FRMD3: variants seen among roughly 807,000 people sequenced by gnomAD.
FRMD3 encodes FERM domain-containing protein 3.
FRMD3 carries 33 observed loss-of-function variants against 70.2 expected under a neutral mutation model. The ratio of observed to expected loss-of-function variants is 0.47; its 90% CI spans 0.36 to 0.63. The LOEUF (loss-of-function observed/expected upper bound fraction) is 0.63, where lower values mean the gene tolerates loss of function less well. Among genes scored for constraint, FRMD3 ranks in the 20% least tolerant of loss-of-function variants. FRMD3 has a pLI of 0.00. For missense variants in FRMD3, 632 were observed against 711.4 expected (o/e 0.89, Z 1.27); for synonymous variants, 279 against 255.9 (o/e 1.09, Z -0.86).
the FRMD3 span, among the ~76,000 whole-genome samples, chr9:83,571,168 A>G: frequency 6.6e-6 from 1 of 152,252 alleles, no homozygotes. Context: ...AAAGGTTCTT[A>G]AAAAGAGTCT....
intron 1 of FRMD3, among the ~76,000 whole-genome samples, chr9:83,505,975 G>A (rs1829172706): frequency 6.6e-6 from 1 of 152,136 alleles, no homozygotes; most frequent in Non-Finnish European, 1.5e-5. Context: ...GGAAGATGGA[G>A]TCCCCCAACA....
At position 83,479,759 on chromosome 9, in the gene FRMD3, AAGGGAGGGAGGGAGGGAGGG is replaced by A. The variant is rs369358306; in HGVS notation, c.147+58306_147+58325del. On this transcript the variant is annotated intron_variant, in intron 1 of 13. Coordinates refer to ENST00000304195, the MANE Select transcript of FRMD3 (RefSeq NM_174938.6). Reference sequence around the variant, plus strand: ...AGAAAGAAAAAGAAAAGAGAAGAAGAAGGGAGGGAGGGAGGGAGGGAGGGAGGGAAGGAAGGAAGGAAGGA... The same window carrying A: ...AGAAAGAAAAAGAAAAGAGAAGAAGAAGGGAGGGAAGGAAGGAAGGAAGGA... Among the ~76,000 whole-genome samples, 168 of 91,938 alleles carry A rather than the reference AAGGGAGGGAGGGAGGGAGGG, an allele frequency of 1.8e-3. 9 individuals are homozygous for A. The highest frequency in any genetic ancestry group is 7.1e-3 in the African/African-American group (161 of 22,654). The allele number at this position is 91,938 out of a possible 152,430, so 60.3% of individuals were successfully genotyped here. A position where few individuals can be genotyped will look rare whatever the true frequency, so the allele number is the denominator to read the frequency against.
At chr9:83,390,148 A>G (rs1825627090) in intron 1 of FRMD3, among the ~76,000 whole-genome samples, 1 of 152,204 alleles carries the variant, frequency 6.6e-6, no homozygotes, top group Admixed American at 6.5e-5. Flanking sequence ...TCCTACCAGG[A>G]AGGTTCTCAT....
At chr9:83,548,574 A>G in the FRMD3 span, among the ~76,000 whole-genome samples, 1 of 152,188 alleles carries the variant, frequency 6.6e-6, no homozygotes, top group East Asian at 1.9e-4. Flanking sequence ...TGAGTTCAGG[A>G]GAGTGGGTGA....
At chr9:83,524,356 G>C (rs936812854) in intron 1 of FRMD3, among the ~76,000 whole-genome samples, 2 of 152,144 alleles carry the variant, frequency 1.3e-5, no homozygotes, top group African/African-American at 2.4e-5. Flanking sequence ...ACTTATGTTA[G>C]ATGACAAAAT....
intron 1 of FRMD3, among the ~76,000 whole-genome samples, chr9:83,466,931 A>G (rs1828143046): frequency 6.6e-6 from 1 of 152,208 alleles, no homozygotes; most frequent in African/African-American, 2.4e-5. Context: ...TTCTGCCGAA[A>G]TAAACAAGAG....
chr9:83,479,416 G>T (rs1420252961), intron 1 of FRMD3, among the ~76,000 whole-genome samples: 1 of 103,430 alleles, frequency 9.7e-6, no homozygotes, highest in Non-Finnish European at 2.1e-5. Flanking sequence ...GGGAGGGAAG[G>T]ATGAAAGGAG....
intron 2 of FRMD3, among the ~76,000 whole-genome samples, chr9:83,383,286 G>A (rs1444947782): frequency 6.6e-6 from 1 of 151,754 alleles, no homozygotes; most frequent in Non-Finnish European, 1.5e-5. Context: ...ACAAAATGCT[G>A]TGATATAATA....
intron 1 of FRMD3, among the ~76,000 whole-genome samples, chr9:83,509,439 G>A (rs1829285663): frequency 1.3e-5 from 2 of 152,170 alleles, no homozygotes; most frequent in South Asian, 4.1e-4. Flanking sequence ...TAGCAAAAAG[G>A]GGAGGAAAGA....
intron 12 of FRMD3, among the ~76,000 whole-genome samples, chr9:83,296,943 A>G (rs1193004568): frequency 6.6e-6 from 1 of 152,182 alleles, no homozygotes; most frequent in Admixed American, 6.5e-5. Context: ...GCATCACTCC[A>G]GGCTTCTTGA....
chr9:83,547,445 T>C, the FRMD3 span, among the ~76,000 whole-genome samples: 1 of 151,752 alleles, frequency 6.6e-6, no homozygotes, highest in Non-Finnish European at 1.5e-5. Flanking sequence ...TGTTTGTCCC[T>C]ATCATTATAA....
the FRMD3 span, among the ~76,000 whole-genome samples, chr9:83,549,576 A>G: frequency 6.6e-6 from 1 of 152,158 alleles, no homozygotes. Context: ...ACAGCGTATA[A>G]GAGTTTCCTT....
the FRMD3 span, among the ~76,000 whole-genome samples, chr9:83,545,875 A>T: frequency 6.6e-6 from 1 of 152,182 alleles, no homozygotes; most frequent in Non-Finnish European, 1.5e-5. Context: ...GATATATTGC[A>T]AGACAAACAT....
At chr9:83,570,756 G>GC in the FRMD3 span, among the ~76,000 whole-genome samples, 2 of 152,180 alleles carry the variant, frequency 1.3e-5, no homozygotes, top group Non-Finnish European at 2.9e-5. Context: ...AACACTTGCT[G>GC]CTGTGTTGAG....
intron 13 of FRMD3, among the ~76,000 whole-genome samples, chr9:83,276,963 G>T (rs1833813300): frequency 6.6e-6 from 1 of 152,220 alleles, no homozygotes; most frequent in African/African-American, 2.4e-5. Flanking sequence ...ACCCAAAAGT[G>T]CTGGGATTAC....
chr9:83,463,130 G>GC (rs1564089540), intron 1 of FRMD3, among the ~76,000 whole-genome samples: 1 of 152,138 alleles, frequency 6.6e-6, no homozygotes, highest in Non-Finnish European at 1.5e-5. Context: ...AGAATGGGGG[G>GC]ACTCAGAGCC....
chr9:83,329,778 A>C (rs1192436553), intron 6 of FRMD3, among the ~76,000 whole-genome samples: 1 of 152,160 alleles, frequency 6.6e-6, no homozygotes, highest in African/African-American at 2.4e-5. Flanking sequence ...CTGCCAATTG[A>C]GCCTTTTGAA....
the FRMD3 span, among the ~76,000 whole-genome samples, chr9:83,580,858 A>G: frequency 6.6e-6 from 1 of 152,158 alleles, no homozygotes. Context: ...AAATACCACA[A>G]TGTACCCCAT....
intron 1 of FRMD3, among the ~76,000 whole-genome samples, chr9:83,519,559 T>C (rs144257734): frequency 0.011 from 1,628 of 152,324 alleles, 32 homozygotes; most frequent in African/African-American, 0.037. Flanking sequence ...GTAAATTAGT[T>C]CAACCATTGT....
Sources: allele counts gnomAD v4.1 joint callset (sites outside exome capture counted in the v4.1 genomes callset), GRCh38; gene constraint gnomAD v4.1.1; transcripts MANE v1.5; gene names NCBI Gene and HGNC (gene_info 2026-07-23, HGNC 2026-07-21).